SLC35F3: variants seen among roughly 807,000 people sequenced by gnomAD.
The protein encoded by SLC35F3 is putative thiamine transporter SLC35F3.
A neutral mutation model predicts 49.9 loss-of-function variants in SLC35F3; 25 were observed. The ratio of observed to expected loss-of-function variants is 0.50; its 90% CI spans 0.37 to 0.70. The LOEUF (loss-of-function observed/expected upper bound fraction) is 0.70, where lower values mean the gene tolerates loss of function less well. Ranked by LOEUF, SLC35F3 falls within the 30% of genes least tolerant of loss-of-function variation. The pLI is 0.00. For missense variants in SLC35F3, 525 were observed against 639.8 expected (o/e 0.82, Z 1.94); for synonymous variants, 275 against 265.4 (o/e 1.04, Z -0.35).
intron 2 of SLC35F3, among the ~76,000 whole-genome samples, chr1:234,052,589 C>T (rs1434137812): frequency 1.3e-5 from 2 of 152,074 alleles, no homozygotes; most frequent in African/African-American, 4.8e-5. Flanking sequence ...AAAAAATGAG[C>T]TCCTGGATTC....
At chr1:234,045,277 TAGAATC>T (rs1377790942) in intron 2 of SLC35F3, among the ~76,000 whole-genome samples, 6 of 152,300 alleles carry the variant, frequency 3.9e-5, no homozygotes, top group African/African-American at 1.4e-4. Flanking sequence ...TTTTCACAAA[TAGAATC>T]AGATTGTATT....
intron 2 of SLC35F3, among the ~76,000 whole-genome samples, chr1:234,226,475 G>A (rs1304257582): frequency 6.6e-6 from 1 of 151,340 alleles, no homozygotes; most frequent in Non-Finnish European, 1.5e-5. Context: ...AGTTCAAAAG[G>A]GCCATTTTAT....
intron 2 of SLC35F3, among the ~76,000 whole-genome samples, chr1:233,944,040 G>A (rs1395055933): frequency 6.6e-6 from 1 of 152,188 alleles, no homozygotes; most frequent in Non-Finnish European, 1.5e-5. Context: ...AGCTAAGTCA[G>A]TGTTAAGAGG....
intron 3 of SLC35F3, among the ~76,000 whole-genome samples, chr1:234,253,160 T>C (rs938423331): frequency 6.6e-6 from 1 of 152,062 alleles, no homozygotes; most frequent in Non-Finnish European, 1.5e-5. Context: ...ACCCTGTCTC[T>C]ACTAAAAATA....
In SLC35F3 at chr1:234,320,575, G is replaced by A. The variant is rs1308150158; in HGVS notation, c.1237+388G>A. Among the ~76,000 whole-genome samples, 1 of 152,170 alleles carries A rather than the reference G, an allele frequency of 6.6e-6. No homozygotes were observed. On this transcript the variant is annotated intron_variant, in intron 7 of 7. Coordinates refer to ENST00000366618, the MANE Select transcript of SLC35F3 (RefSeq NM_173508.4). The surrounding 1 kb of genome is among the most constrained non-coding windows in gnomAD (Gnocchi z 4.8). Reference sequence around the variant, plus strand: ...AGCATTATTAACAAATGTAGGAAATGATGTAGCAGAAAAAAAATGTCACTT... The same window carrying A: ...AGCATTATTAACAAATGTAGGAAATAATGTAGCAGAAAAAAAATGTCACTT...
chr1:234,208,327 C>T (rs930526444), intron 2 of SLC35F3, among the ~76,000 whole-genome samples: 2 of 152,186 alleles, frequency 1.3e-5, no homozygotes, highest in East Asian at 3.9e-4. Context: ...AGACCAGAGG[C>T]CCCTGTAGAT....
At chr1:233,963,148 T>C (rs1340124037) in intron 2 of SLC35F3, among the ~76,000 whole-genome samples, 1 of 152,142 alleles carries the variant, frequency 6.6e-6, no homozygotes, top group East Asian at 1.9e-4. Context: ...CATTGAGGCT[T>C]CGTTTTGTAC....
Position 234,231,623 on chromosome 1 carries a change from G to A in SLC35F3, c.490G>A (p.Asp164Asn). The change falls in exon 3 of 8, where the codon GAC (aspartate) becomes AAC (asparagine). Residue 164 changes from aspartate (D) to asparagine (N), a missense_variant. Around this residue, in one of 4 missense-constraint regions of SLC35F3, gnomAD observed 216 missense variants for 298.1 expected, o/e 0.72. Coordinates refer to ENST00000366618, the MANE Select transcript of SLC35F3 (RefSeq NM_173508.4). This position sits in a 1 kb window ranked among gnomAD's most constrained non-coding sequence, Gnocchi z 5.4. ...QLAKLTFRKF[D>N]APFTLTWFAT... The stretch of plus-strand genomic sequence containing the variant: ...CGCCAAGCTGACCTTCAGGAAGTTC[G>A]ACGCGCCCTTCACCCTCACGTGGTT... 1.2e-6 allele frequency: 2 copies of A among 1,614,206 alleles called. No individual in the cohort carries two copies. The highest frequency in any genetic ancestry group is 1.7e-6 in the Non-Finnish European group (2 of 1,180,032).
intron 6 of SLC35F3, among the ~76,000 whole-genome samples, chr1:234,319,833 A>T (rs1307259094): frequency 6.6e-6 from 1 of 152,084 alleles, no homozygotes; most frequent in Admixed American, 6.5e-5. Context: ...GGTCCCAGTC[A>T]CCTTCTCAGT....
chr1:234,050,077 G>T (rs1347141832), intron 2 of SLC35F3, among the ~76,000 whole-genome samples: 1 of 152,180 alleles, frequency 6.6e-6, no homozygotes, highest in African/African-American at 2.4e-5. Flanking sequence ...TTGCTATTGT[G>T]AGTAGTGCCA....
rs540889411 is a variant in SLC35F3 at position 234,095,477 on chromosome 1, G to A, written c.284-135940G>A. Among the ~76,000 whole-genome samples, 6 of 152,372 alleles carry A rather than the reference G, an allele frequency of 3.9e-5. No homozygotes were observed. In the East Asian group the frequency reaches 1.2e-3, roughly 29 times the overall value. ...AGGTGGGAAGAGGGATGGATTCGAAGTCAAGAGAAGTGATGTGACTGGAGC... is the reference window on the plus strand; with the variant it reads ...AGGTGGGAAGAGGGATGGATTCGAAATCAAGAGAAGTGATGTGACTGGAGC... On this transcript the variant is annotated intron_variant, in intron 2 of 7. Transcript: ENST00000366618.
Position 234,046,851 on chromosome 1 carries a change from T to A in SLC35F3, c.283+141093T>A, listed in dbSNP as rs1296973967. 6.6e-6 allele frequency among the ~76,000 whole-genome samples: 1 copy of A among 152,154 alleles called. No individual in the cohort carries two copies. Among genetic ancestry groups the A allele is most frequent in the African/African-American group, 2.4e-5 (1 of 41,434 alleles). On this transcript the variant is annotated intron_variant, in intron 2 of 7. Coordinates refer to ENST00000366618, the MANE Select transcript of SLC35F3 (RefSeq NM_173508.4). This position sits in a 1 kb window ranked among gnomAD's most constrained non-coding sequence, Gnocchi z 4.4. The stretch of plus-strand genomic sequence containing the variant: ...AAGTAATCTCATTAACTGCAGTGCA[T>A]CTTGTCAGTTTTCAAAATTTCACAT...
intron 2 of SLC35F3, among the ~76,000 whole-genome samples, chr1:233,978,767 C>T (rs1217213620): frequency 1.5e-5 from 2 of 130,102 alleles, no homozygotes; most frequent in South Asian, 2.4e-4. Context: ...CGGTGGCTCA[C>T]GCCTGTAATC....
At chr1:234,313,674 T>TTC (rs1389004749) in intron 4 of SLC35F3, among the ~76,000 whole-genome samples, 1 of 151,992 alleles carries the variant, frequency 6.6e-6, no homozygotes, top group Non-Finnish European at 1.5e-5. Flanking sequence ...GTTGTCATGA[T>TTC]TCCACACCCA....
Position 233,937,467 on chromosome 1 carries a change from C to T in SLC35F3, c.283+31709C>T, listed in dbSNP as rs534619648. On this transcript the variant is annotated intron_variant, in intron 2 of 7. Coordinates refer to ENST00000366618, the MANE Select transcript of SLC35F3 (RefSeq NM_173508.4). ...CCTGCAGAGACCAGTAAAGATAATC[C>T]AGCCATCTGATTATCCCTCTGTTTA... 2.6e-5 allele frequency among the ~76,000 whole-genome samples: 4 copies of T among 152,300 alleles called. No individual in the cohort carries two copies. The South Asian group carries it at 6.2e-4, about 24-fold the overall frequency.
intron 2 of SLC35F3, among the ~76,000 whole-genome samples, chr1:234,211,661 C>A (rs556909503): frequency 6.6e-6 from 1 of 152,316 alleles, no homozygotes; most frequent in African/African-American, 2.4e-5. Flanking sequence ...CTGTATTTAC[C>A]CAATGCCTGT....
At chr1:234,246,952 C>T (rs1181362454) in intron 3 of SLC35F3, among the ~76,000 whole-genome samples, 1 of 152,182 alleles carries the variant, frequency 6.6e-6, no homozygotes, top group Non-Finnish European at 1.5e-5. Context: ...GAGCCAGGCA[C>T]AGCACAGAGG....
At chr1:234,305,090 T>C (rs546082579) in intron 3 of SLC35F3, among the ~76,000 whole-genome samples, 2 of 152,320 alleles carry the variant, frequency 1.3e-5, no homozygotes, top group East Asian at 1.9e-4. Context: ...TTGTCTAGAA[T>C]TGTGGGAATG....
intron 2 of SLC35F3, among the ~76,000 whole-genome samples, chr1:234,013,113 G>T (rs1346963646): frequency 6.6e-6 from 1 of 152,150 alleles, no homozygotes; most frequent in Non-Finnish European, 1.5e-5. Flanking sequence ...AATTTAAGAG[G>T]ATTCAAATTG....
Sources: allele counts gnomAD v4.1 joint callset (sites outside exome capture counted in the v4.1 genomes callset), GRCh38; gene constraint gnomAD v4.1.1; regional missense constraint gnomAD v4.1.1; non-coding constraint Gnocchi (gnomAD v3.1); transcripts MANE v1.5; gene names NCBI Gene and HGNC (gene_info 2026-07-23, HGNC 2026-07-21).